The following ERICH3 variants were observed in gnomAD, a reference collection of about 807,000 sequenced individuals.
ERICH3 encodes glutamate-rich protein 3.
A neutral mutation model predicts 131.1 loss-of-function variants in ERICH3; 126 were observed. The ratio of observed to expected loss-of-function variants is 0.96; its 90% CI spans 0.83 to 1.11. ERICH3 has a LOEUF of 1.11. ERICH3 is among the 50% of genes most tolerant of loss of function. The pLI is 0.00. For synonymous variants in ERICH3, 695 were observed against 644.6 expected (o/e 1.08, Z -1.18); for missense variants, 2,050 against 1,810.7 (o/e 1.13, Z -2.40).
At chr1:74,632,011 T>A in intron 6 of ERICH3, 83 bp from the exon 7 acceptor site, 1 of 1,232,320 alleles carries the variant, frequency 8.1e-7, no homozygotes, top group Non-Finnish European at 1.2e-6. Flanking sequence ...CAAGCCTAAA[T>A]GATTGACATT....
intron 11 of ERICH3, among the ~76,000 whole-genome samples, chr1:74,593,857 C>T (rs1486185189): frequency 6.6e-6 from 1 of 152,114 alleles, no homozygotes; most frequent in East Asian, 1.9e-4. Context: ...TAATGATAGA[C>T]TGCAATAAAA....
At chr1:74,580,485 T>A (rs1169879875) in intron 12 of ERICH3, among the ~76,000 whole-genome samples, 3 of 152,230 alleles carry the variant, frequency 2.0e-5, no homozygotes, top group Non-Finnish European at 2.9e-5. Context: ...AAGCTTTTTA[T>A]ACATATTTCT....
At chr1:74,588,006 C>G (rs974379071) in intron 12 of ERICH3, among the ~76,000 whole-genome samples, 1 of 152,050 alleles carries the variant, frequency 6.6e-6, no homozygotes, top group Non-Finnish European at 1.5e-5. Flanking sequence ...TTTAAAAATA[C>G]AAAAATCATT....
At chr1:74,650,416 T>C (rs1198507182) in intron 1 of ERICH3, among the ~76,000 whole-genome samples, 11 of 152,168 alleles carry the variant, frequency 7.2e-5, no homozygotes, top group Non-Finnish European at 1.6e-4. Flanking sequence ...CGCACATATG[T>C]ATGTATACAT....
intron 1 of ERICH3, among the ~76,000 whole-genome samples, chr1:74,663,698 A>G (rs1646663304): frequency 6.6e-6 from 1 of 151,668 alleles, no homozygotes; most frequent in South Asian, 2.1e-4. Flanking sequence ...TGATAAGAAT[A>G]TAATGCCTGA....
In ERICH3 at chr1:74,589,906, A is replaced by C; in HGVS notation, c.1901T>G (p.Leu634Arg). Residue 634 changes from leucine to arginine, a missense_variant, in exon 12 of 15, where the codon CTT becomes CGT. Coordinates refer to ENST00000326665, the MANE Select transcript of ERICH3 (RefSeq NM_001002912.5). ...AATTTCTAAGGATTCCTCAATTGGAAGGTGAGACTTTCTTGGCTTATCATT... is the reference window on the plus strand; with the variant it reads ...AATTTCTAAGGATTCCTCAATTGGACGGTGAGACTTTCTTGGCTTATCATT... ...SENDKPRKSH[L>R]PIEESLEIEI... 1.2e-6 allele frequency: 2 copies of C among 1,613,986 alleles called. No homozygotes were observed. Among genetic ancestry groups the C allele is most frequent in the Non-Finnish European group, 1.7e-6 (2 of 1,179,954 alleles).
chr1:74,641,372 T>G lies in ERICH3; in HGVS notation c.403A>C (p.Ser135Arg), dbSNP rs546126387. The change falls in exon 5 of 15, where the codon AGT becomes CGT. Residue 135 changes from serine to arginine, a missense_variant. Physicochemically the swap from Ser to Arg is moderately radical, Grantham distance 110 (BLOSUM62 -1). Coordinates refer to ENST00000326665, the MANE Select transcript of ERICH3 (RefSeq NM_001002912.5). ...GAATGTCCTTCATCAACCAGAACAC[T>G]ATGGCCACGATTACTCTTTGGGCCA... Reference protein sequence around the residue: ...PVGPKSNRGHSVLVDEGHSSP... With the variant: ...PVGPKSNRGHRVLVDEGHSSP... 1.9e-6 allele frequency: 3 copies of G among 1,612,950 alleles called. No homozygotes were observed. The East Asian group carries it at 6.7e-5, about 36-fold the overall frequency.
chr1:74,586,354 ATATTAATATATC>A, intron 12 of ERICH3: 1 of 902,522 alleles, frequency 1.1e-6, no homozygotes, highest in Non-Finnish European at 1.3e-6. Flanking sequence ...ATAGCAATAT[ATATTAATATATC>A]TATACCTATC....
intron 1 of ERICH3, among the ~76,000 whole-genome samples, chr1:74,666,093 C>T (rs1646689521): frequency 6.6e-6 from 1 of 152,110 alleles, no homozygotes; most frequent in Admixed American, 6.6e-5. Context: ...CATCCCAGAA[C>T]ATTCATGTAG....
In ERICH3 at chr1:74,573,057, C is replaced by G; in HGVS notation, c.2653G>C (p.Val885Leu). The G allele has an allele frequency of 6.2e-7, 1 of 1,614,218 alleles. No homozygotes were observed. Among genetic ancestry groups the G allele is most frequent in the Non-Finnish European group, 8.5e-7 (1 of 1,180,042 alleles). ...GAAGCTGCTTTGTCTGTCTCAAGCA[C>G]TGTGAGCATCAAGGCTTGCTTTTCA... Reference protein sequence around the residue: ...APEKQALMLTVLETDKAASEG... With the variant: ...APEKQALMLTLLETDKAASEG... The change falls in exon 14 of 15, where the codon GTG becomes CTG. Residue 885 changes from valine (V) to leucine (L), a missense_variant. Transcript: ENST00000326665.
intron 2 of ERICH3, among the ~76,000 whole-genome samples, chr1:74,648,666 T>TA (rs1421285270): frequency 6.6e-6 from 1 of 152,184 alleles, no homozygotes. Context: ...CATGGAATAC[T>TA]ATAACATTTT....
intron 1 of ERICH3, among the ~76,000 whole-genome samples, chr1:74,669,987 C>T (rs1357455340): frequency 1.3e-5 from 2 of 152,098 alleles, no homozygotes; most frequent in Non-Finnish European, 2.9e-5. Context: ...TTTAATGAAA[C>T]CTTTTATTTG....
At chr1:74,670,108 T>C (rs934767349) in intron 1 of ERICH3, among the ~76,000 whole-genome samples, 1 of 152,212 alleles carries the variant, frequency 6.6e-6, no homozygotes, top group Non-Finnish European at 1.5e-5. Context: ...GGGTGAATTT[T>C]AAGACATTTA....
At chr1:74,592,139 C>G (rs756544493) in intron 11 of ERICH3, 6 of 152,316 alleles carry the variant, frequency 3.9e-5, no homozygotes, top group Middle Eastern at 3.4e-3. Context: ...ACTCAAAAAG[C>G]CTTTCAGCAA....
chr1:74,610,655 C>T (rs1648645702), intron 9 of ERICH3, among the ~76,000 whole-genome samples: 1 of 151,920 alleles, frequency 6.6e-6, no homozygotes, highest in African/African-American at 2.4e-5. Flanking sequence ...CATTCTTCCT[C>T]CTGGCTACCA....
chr1:74,649,161 G>T (rs1646510398), intron 2 of ERICH3, 61 bp downstream of exon 2: 10 of 1,177,980 alleles, frequency 8.5e-6, no homozygotes, highest in Non-Finnish European at 1.2e-5. Context: ...AGCCTGAAAA[G>T]GTAGGGAATT....
At chr1:74,650,587 C>A (rs551544911) in intron 1 of ERICH3, among the ~76,000 whole-genome samples, 1 of 151,978 alleles carries the variant, frequency 6.6e-6, no homozygotes, top group Non-Finnish European at 1.5e-5. Flanking sequence ...ATATCCAATA[C>A]GGCTGGTAAG....
At chr1:74,661,039 G>T (rs793569) in intron 1 of ERICH3, among the ~76,000 whole-genome samples, 1,927 of 152,110 alleles carry the variant, frequency 0.013, 33 homozygotes, top group African/African-American at 0.043. Context: ...AAACAGAAAA[G>T]CCAGACACCA....
intron 5 of ERICH3, among the ~76,000 whole-genome samples, chr1:74,640,039 AG>A (rs1646424493): frequency 6.6e-6 from 1 of 152,170 alleles, no homozygotes; most frequent in Non-Finnish European, 1.5e-5. Context: ...CCAGAGAGAA[AG>A]GTTTTTGAAG....
Sources: allele counts gnomAD v4.1 joint callset (sites outside exome capture counted in the v4.1 genomes callset), GRCh38; gene constraint gnomAD v4.1.1; transcripts MANE v1.5; gene names NCBI Gene and HGNC (gene_info 2026-07-23, HGNC 2026-07-21).